The following SDK1 variants were observed in gnomAD, a reference collection of about 807,000 sequenced individuals.
SDK1 encodes protein sidekick-1.
A neutral mutation model predicts 245.5 loss-of-function variants in SDK1; 157 were observed. The observed-to-expected ratio is 0.64, with a 90% CI of 0.56 to 0.73. The LOEUF is 0.73. Among genes scored for constraint, SDK1 ranks in the 30% least tolerant of loss-of-function variants. SDK1 has a pLI of 0.00. For missense variants in SDK1, 3,583 were observed against 3,002.3 expected, an observed-to-expected ratio of 1.19 and a Z score of -4.52; for synonymous variants, 1,647 against 1,278.5, an observed-to-expected ratio of 1.29 and a Z score of -6.15.
At chr7:3,818,083 G>C (rs1247572120) in intron 4 of SDK1, among the ~76,000 whole-genome samples, 22 of 152,152 alleles carry the variant, frequency 1.4e-4, no homozygotes, top group Non-Finnish European at 1.5e-5. Context: ...AGTTATTTTT[G>C]TTCCTCTTCT....
intron 5 of SDK1, among the ~76,000 whole-genome samples, chr7:3,929,356 C>G (rs1779894655): frequency 6.6e-6 from 1 of 152,218 alleles, no homozygotes; most frequent in South Asian, 2.1e-4. Context: ...CTTCATGCAC[C>G]AGGCACTCAC....
chr7:3,379,342 G>C (rs1252378040), intron 1 of SDK1, among the ~76,000 whole-genome samples: 3 of 152,104 alleles, frequency 2.0e-5, no homozygotes, highest in Non-Finnish European at 4.4e-5. Context: ...TGCGCTGAGG[G>C]GGCATATGAA....
intron 1 of SDK1, among the ~76,000 whole-genome samples, chr7:3,558,077 T>C (rs1438338289): frequency 6.6e-6 from 1 of 151,676 alleles, no homozygotes; most frequent in Non-Finnish European, 1.5e-5. Flanking sequence ...CCAAAGACTT[T>C]AGATGCCACG....
At chr7:4,205,851 G>T in intron 35 of SDK1, 28 bp from the exon 36 acceptor site, 1 of 1,529,542 alleles carries the variant, frequency 6.5e-7, no homozygotes, top group South Asian at 1.2e-5. Flanking sequence ...GAACGTCTCA[G>T]CTTCTCTCCG....
intron 32 of SDK1, among the ~76,000 whole-genome samples, chr7:4,172,322 T>C (rs1045715636): frequency 1.3e-5 from 2 of 152,148 alleles, no homozygotes; most frequent in Non-Finnish European, 1.5e-5. Flanking sequence ...CCCTCTGGCA[T>C]GTGCGTGTCG....
intron 4 of SDK1, among the ~76,000 whole-genome samples, chr7:3,737,665 G>C (rs1382525503): frequency 1.3e-5 from 2 of 152,200 alleles, no homozygotes; most frequent in Non-Finnish European, 2.9e-5. Flanking sequence ...CGAGCTAGTT[G>C]CTTTGAGCCC....
intron 17 of SDK1, among the ~76,000 whole-genome samples, chr7:4,028,603 A>G (rs1187703042): frequency 6.6e-6 from 1 of 152,204 alleles, no homozygotes; most frequent in Non-Finnish European, 1.5e-5. Context: ...GAACCAGTGA[A>G]AACACACGTT....
intron 20 of SDK1, among the ~76,000 whole-genome samples, chr7:4,072,849 A>C (rs1780346808): frequency 6.6e-6 from 1 of 152,178 alleles, no homozygotes; most frequent in Non-Finnish European, 1.5e-5. Context: ...CCCAGCTTCC[A>C]TTTTAATTCG....
At chr7:3,508,069 T>G (rs1782451242) in intron 1 of SDK1, among the ~76,000 whole-genome samples, 1 of 152,186 alleles carries the variant, frequency 6.6e-6, no homozygotes, top group African/African-American at 2.4e-5. Flanking sequence ...GGCTTCTGTT[T>G]CTCTGACCAG....
rs1583669897 is a variant in SDK1, at chr7:3,314,078, A to T, written c.298+12194A>T. 2.6e-5 allele frequency among the ~76,000 whole-genome samples: 4 copies of T among 152,316 alleles called. No homozygotes were observed. In the South Asian group the frequency reaches 6.2e-4, roughly 24 times the overall value. On this transcript the variant is annotated intron_variant, in intron 1 of 44. Coordinates refer to ENST00000404826, the MANE Select transcript of SDK1 (RefSeq NM_152744.4). ...ATACACACCAAAAAATACAGCGCCA[A>T]TGTGCAGATGACCCTGGAGAGCCCT...
intron 5 of SDK1, among the ~76,000 whole-genome samples, chr7:3,901,957 C>CT (rs1562523675): frequency 6.6e-6 from 1 of 152,154 alleles, no homozygotes; most frequent in Non-Finnish European, 1.5e-5. Context: ...AGTATCTCCT[C>CT]TATCTTTTCC....
intron 1 of SDK1, among the ~76,000 whole-genome samples, chr7:3,465,765 T>C (rs1780980312): frequency 1.3e-5 from 2 of 152,272 alleles, no homozygotes; most frequent in South Asian, 4.1e-4. Context: ...ACCACTGTGT[T>C]GGTGTTCTCT....
chr7:3,403,876 ATATTTATT>A (rs1161807810), intron 1 of SDK1, among the ~76,000 whole-genome samples: 3 of 128,342 alleles, frequency 2.3e-5, no homozygotes, highest in African/African-American at 8.9e-5. Context: ...TATAATATAT[ATATTTATT>A]TATATTATAT....
intron 5 of SDK1, among the ~76,000 whole-genome samples, chr7:3,869,751 C>T (rs1780913408): frequency 6.6e-6 from 1 of 152,184 alleles, no homozygotes; most frequent in Non-Finnish European, 1.5e-5. Flanking sequence ...TCAGGCAGTC[C>T]ACTGCACATG....
At chr7:3,784,613 G>A (rs1780844664) in intron 4 of SDK1, among the ~76,000 whole-genome samples, 1 of 152,080 alleles carries the variant, frequency 6.6e-6, no homozygotes, top group Non-Finnish European at 1.5e-5. Context: ...TGAAGAAATG[G>A]TCACATCAGA....
chr7:4,077,051 A>G lies in SDK1; in HGVS notation c.3064A>G (p.Thr1022Ala), dbSNP rs1469256092. ...YGRNDSRLTH[T>A]LNSTTHEYKI... Reference sequence around the variant, plus strand: ...CAGGAACGACTCTCGTCTCACGCACACCCTGAACAGCACGACGCACGAGTA... The same window carrying G: ...CAGGAACGACTCTCGTCTCACGCACGCCCTGAACAGCACGACGCACGAGTA... The change falls in exon 21 of 45, where the codon ACC becomes GCC. Residue 1022 changes from threonine (T) to alanine (A), a missense_variant. By Grantham distance (58) the Thr-to-Ala change is moderately conservative (BLOSUM62 0). Coordinates refer to ENST00000404826, the MANE Select transcript of SDK1 (RefSeq NM_152744.4). The G allele has an allele frequency of 3.1e-6, 5 of 1,614,098 alleles. No individual in the cohort carries two copies. The highest frequency in any genetic ancestry group is 1.3e-5 in the African/African-American group (1 of 75,006).
intron 1 of SDK1, among the ~76,000 whole-genome samples, chr7:3,400,416 C>A (rs1332972276): frequency 6.6e-6 from 1 of 152,090 alleles, no homozygotes; most frequent in South Asian, 2.1e-4. Flanking sequence ...TCTGAGAGTG[C>A]CCCCAACTTC....
intron 19 of SDK1, among the ~76,000 whole-genome samples, chr7:4,054,310 G>A (rs552565171): frequency 5.4e-4 from 82 of 152,270 alleles, no homozygotes; most frequent in Non-Finnish European, 6.8e-4. Context: ...TATTGAGACC[G>A]TGTACATTTA....
intron 5 of SDK1, among the ~76,000 whole-genome samples, chr7:3,837,736 A>T (rs1166743511): frequency 1.3e-5 from 2 of 152,262 alleles, no homozygotes; most frequent in East Asian, 3.9e-4. Flanking sequence ...AATACTTGAA[A>T]TGTTACTGTT....
Sources: allele counts gnomAD v4.1 joint callset (sites outside exome capture counted in the v4.1 genomes callset), GRCh38; gene constraint gnomAD v4.1.1; transcripts MANE v1.5; gene names NCBI Gene and HGNC (gene_info 2026-07-23, HGNC 2026-07-21).